Variants in PARD3 observed in about 807,000 individuals in gnomAD.
PARD3 encodes the protein partitioning defective 3 homolog.
A neutral mutation model predicts 155.4 loss-of-function variants in PARD3; 75 were observed. The observed-to-expected ratio is 0.48, with a 90% CI of 0.40 to 0.58. The LOEUF (loss-of-function observed/expected upper bound fraction) is 0.58. PARD3 is among the 20% of genes least tolerant of loss of function. PARD3 has a pLI of 0.00. For missense variants in PARD3, 1,642 were observed against 1,721.7 expected (o/e 0.95, Z 0.82); for synonymous variants, 576 against 610.5 (o/e 0.94, Z 0.83).
At chr10:34,302,915 T>C (rs1419879608) in intron 20 of PARD3, among the ~76,000 whole-genome samples, 1 of 152,138 alleles carries the variant, frequency 6.6e-6, no homozygotes. Context: ...ACTCAGTGAC[T>C]GCCACGTCTC....
intron 22 of PARD3, among the ~76,000 whole-genome samples, chr10:34,227,881 T>TATATATATATATACAC (rs1199483392): frequency 6.0e-5 from 8 of 133,738 alleles, no homozygotes; most frequent in Non-Finnish European, 6.3e-5. Context: ...TATATATATA[T>TATATATATATATACAC]ATACTGGGAA....
chr10:34,578,430 C>A (rs2087092078), intron 2 of PARD3, among the ~76,000 whole-genome samples: 1 of 152,110 alleles, frequency 6.6e-6, no homozygotes, highest in African/African-American at 2.4e-5. Flanking sequence ...TGCCATTTTT[C>A]TTAAATAAGA....
intron 21 of PARD3, among the ~76,000 whole-genome samples, chr10:34,282,784 A>T (rs75365462): frequency 0.04 from 6,089 of 152,176 alleles, 164 homozygotes; most frequent in Middle Eastern, 0.089. Context: ...ATAGAAGTTT[A>T]TACTTCTGAG....
chr10:34,748,881 A>G (rs943537510), intron 1 of PARD3, among the ~76,000 whole-genome samples: 5 of 152,202 alleles, frequency 3.3e-5, no homozygotes, highest in African/African-American at 1.2e-4. Context: ...CCACTGCACT[A>G]ATCACTAAGG....
chr10:34,337,395 C>T lies in PARD3; in HGVS notation c.2440G>A (p.Ala814Thr). The T allele has an allele frequency of 6.2e-7, 1 of 1,600,230 alleles. No homozygotes were observed. The highest frequency in any genetic ancestry group is 2.3e-5 in the East Asian group (1 of 44,038). Residue 814 changes from alanine to threonine, a missense_variant, in exon 17 of 25, where the codon GCT becomes ACT. Ala to Thr is a moderately conservative substitution (Grantham distance 58). Coordinates refer to ENST00000374788, the MANE Select transcript of PARD3 (RefSeq NM_001184785.2). The stretch of plus-strand genomic sequence containing the variant: ...CGTCCAAATCCTTCTCGTTGAAAAG[C>T]AAGAACTGGATCAACATCTGGACTC... ...SLSPDVDPVLAFQREGFGRQS... is the reference protein window; with the variant it reads ...SLSPDVDPVLTFQREGFGRQS...
intron 3 of PARD3, among the ~76,000 whole-genome samples, chr10:34,476,645 G>A (rs1459615411): frequency 6.6e-6 from 1 of 152,004 alleles, no homozygotes; most frequent in Non-Finnish European, 1.5e-5. Flanking sequence ...ATACCAAAAA[G>A]GTGCGAGTAC....
intron 2 of PARD3, among the ~76,000 whole-genome samples, chr10:34,536,352 T>G (rs1161540266): frequency 6.6e-6 from 1 of 152,192 alleles, no homozygotes; most frequent in Non-Finnish European, 1.5e-5. Context: ...GGAGAAAAAC[T>G]AAGTCTCCAT....
chr10:34,136,537 TC>T (rs1947907953), intron 22 of PARD3, among the ~76,000 whole-genome samples: 1 of 152,012 alleles, frequency 6.6e-6, no homozygotes, highest in African/African-American at 2.4e-5. Context: ...ACACTATGCT[TC>T]CCATAGCAGG....
chr10:34,145,040 T>A (rs933171470), intron 22 of PARD3, among the ~76,000 whole-genome samples: 1 of 151,774 alleles, frequency 6.6e-6, no homozygotes, highest in African/African-American at 2.4e-5. Flanking sequence ...TACCACTCAC[T>A]GACAGTTTGG....
intron 5 of PARD3, among the ~76,000 whole-genome samples, chr10:34,407,845 G>GA (rs57637567): frequency 1.3e-5 from 2 of 148,856 alleles, no homozygotes; most frequent in East Asian, 4.0e-4. Flanking sequence ...AAAAAAAAAA[G>GA]AAAAAAAAAA....
At chr10:34,235,396 A>G (rs1020703399) in intron 22 of PARD3, among the ~76,000 whole-genome samples, 4 of 152,228 alleles carry the variant, frequency 2.6e-5, no homozygotes, top group Admixed American at 1.3e-4. Flanking sequence ...GATTCTAGGC[A>G]TGCTTCCAGA....
At position 34,367,555 on chromosome 10, in the gene PARD3, T is replaced by C. The variant is rs372404673; in HGVS notation, c.1707+4943A>G. 7.7e-4 allele frequency among the ~76,000 whole-genome samples: 117 copies of C among 151,990 alleles called. 1 individual carries two copies. The East Asian group carries it at 0.015, about 20-fold the overall frequency. On this transcript the variant is annotated intron_variant, in intron 12 of 24. Transcript: ENST00000374788. Reference sequence around the variant, plus strand: ...CCCGTCTCTACTAAAAATACAAAAATTAGCTGTGTGTGTTGGCACGTGCCT... The same window carrying C: ...CCCGTCTCTACTAAAAATACAAAAACTAGCTGTGTGTGTTGGCACGTGCCT...
chr10:34,194,195 C>T (rs1950837796), intron 22 of PARD3, among the ~76,000 whole-genome samples: 2 of 152,170 alleles, frequency 1.3e-5, no homozygotes, highest in South Asian at 4.1e-4. Flanking sequence ...CAAAATAAGA[C>T]ATACTAAGCA....
chr10:34,547,410 G>T (rs1270659131), intron 2 of PARD3, among the ~76,000 whole-genome samples: 1 of 152,158 alleles, frequency 6.6e-6, no homozygotes, highest in Non-Finnish European at 1.5e-5. Context: ...CTTTGGGAAG[G>T]CTATAAATGT....
chr10:34,731,427 C>A (rs902564864), intron 1 of PARD3, among the ~76,000 whole-genome samples: 3 of 152,192 alleles, frequency 2.0e-5, no homozygotes, highest in African/African-American at 7.2e-5. Context: ...CTAGCGCTGA[C>A]TAGACAAATT....
chr10:34,752,746 C>T (rs771834838), intron 1 of PARD3, among the ~76,000 whole-genome samples: 9 of 152,298 alleles, frequency 5.9e-5, no homozygotes, highest in Non-Finnish European at 1.2e-4. Flanking sequence ...AAGGCGGACG[C>T]TATTACCAGC....
chr10:34,268,058 G>A (rs533209481), intron 22 of PARD3, among the ~76,000 whole-genome samples: 12 of 152,264 alleles, frequency 7.9e-5, no homozygotes, highest in East Asian at 1.9e-4. Flanking sequence ...AATAACATGC[G>A]TATGTCTGAT....
chr10:34,396,650 T>G (rs1843377045), intron 7 of PARD3, among the ~76,000 whole-genome samples: 1 of 152,178 alleles, frequency 6.6e-6, no homozygotes, highest in Admixed American at 6.5e-5. Flanking sequence ...TGTTATTCAA[T>G]TAGTTATCCT....
chr10:34,484,346 G>A (rs2079294841), intron 3 of PARD3, among the ~76,000 whole-genome samples: 1 of 152,132 alleles, frequency 6.6e-6, no homozygotes, highest in Non-Finnish European at 1.5e-5. Flanking sequence ...GAGAATTTTA[G>A]GTAAATATTT....
Sources: allele counts gnomAD v4.1 joint callset (sites outside exome capture counted in the v4.1 genomes callset), GRCh38; gene constraint gnomAD v4.1.1; transcripts MANE v1.5; gene names NCBI Gene and HGNC (gene_info 2026-07-23, HGNC 2026-07-21).